HS3ST4: variants seen among roughly 807,000 people sequenced by gnomAD.
The protein encoded by HS3ST4 is heparan sulfate glucosamine 3-O-sulfotransferase 4.
In HS3ST4, 17 loss-of-function variants were observed where a neutral mutation model predicts 29.2. The ratio of observed to expected loss-of-function variants is 0.58; its 90% CI spans 0.40 to 0.87. The LOEUF is 0.87. Among genes scored for constraint, HS3ST4 ranks in the 40% least tolerant of loss-of-function variants. The pLI is 0.00. For missense variants in HS3ST4, 627 were observed against 634.5 expected (o/e 0.99, Z 0.13); for synonymous variants, 314 against 285.7 (o/e 1.10, Z -1.00).
At chr16:26,116,069 G>A (rs1414756662) in intron 1 of HS3ST4, among the ~76,000 whole-genome samples, 1 of 152,146 alleles carries the variant, frequency 6.6e-6, no homozygotes, top group Non-Finnish European at 1.5e-5. Flanking sequence ...CAAGGTGTTG[G>A]CCAGGGCCAA....
intron 1 of HS3ST4, among the ~76,000 whole-genome samples, chr16:26,019,306 C>T (rs1008202920): frequency 1.1e-4 from 17 of 152,182 alleles, no homozygotes; most frequent in African/African-American, 4.1e-4. Flanking sequence ...ACGTCCCAAT[C>T]ATTCTGGTCT....
chr16:25,925,347 A>G, intron 1 of HS3ST4, among the ~76,000 whole-genome samples: 1 of 152,020 alleles, frequency 6.6e-6, no homozygotes, highest in Non-Finnish European at 1.5e-5. Context: ...TTGAAGGGAA[A>G]CAGTGGCTTG....
chr16:25,717,510 GGTGTGTGTGTGTGTGTGTGTGTGTGT>G (rs763190199), intron 1 of HS3ST4, among the ~76,000 whole-genome samples: 2 of 132,830 alleles, frequency 1.5e-5, no homozygotes, highest in Non-Finnish European at 3.2e-5. Context: ...AAGGTGAAGG[GGTGTGTGTGTGTGTGTGTGTGTGTGT>G]GTGTGTGTGT....
intron 1 of HS3ST4, among the ~76,000 whole-genome samples, chr16:25,752,110 C>T (rs1408919319): frequency 2.0e-5 from 3 of 152,004 alleles, no homozygotes; most frequent in Admixed American, 6.6e-5. Context: ...AGGAAGGTAC[C>T]TCTCCATTCA....
intron 1 of HS3ST4, among the ~76,000 whole-genome samples, chr16:25,896,772 A>G (rs1035976448): frequency 6.6e-6 from 1 of 152,232 alleles, no homozygotes; most frequent in African/African-American, 2.4e-5. Flanking sequence ...AGTGGATTGG[A>G]TAAAGAAAAT....
chr16:26,020,098 C>T (rs1969398782), intron 1 of HS3ST4, among the ~76,000 whole-genome samples: 1 of 152,188 alleles, frequency 6.6e-6, no homozygotes, highest in South Asian at 2.1e-4. Context: ...TCTTGCCTTC[C>T]AAAGGATTTG....
chr16:25,917,114 G>A (rs1273575491), intron 1 of HS3ST4, among the ~76,000 whole-genome samples: 2 of 152,098 alleles, frequency 1.3e-5, no homozygotes, highest in Admixed American at 6.5e-5. Flanking sequence ...TCTATGTAGG[G>A]GTCAAATCTG....
At chr16:25,770,004 T>TA (rs958804346) in intron 1 of HS3ST4, among the ~76,000 whole-genome samples, 1 of 152,222 alleles carries the variant, frequency 6.6e-6, no homozygotes, top group Non-Finnish European at 1.5e-5. Context: ...GGATTTTTTT[T>TA]ACCCCACTTC....
At chr16:25,740,029 A>AT (rs776759839) in intron 1 of HS3ST4, among the ~76,000 whole-genome samples, 3 of 150,708 alleles carry the variant, frequency 2.0e-5, no homozygotes, top group South Asian at 2.1e-4. Flanking sequence ...TTCTTTCCTT[A>AT]TTTTTTTAGC....
chr16:26,102,086 A>G (rs1215973458), intron 1 of HS3ST4, among the ~76,000 whole-genome samples: 1 of 152,192 alleles, frequency 6.6e-6, no homozygotes, highest in Non-Finnish European at 1.5e-5. Flanking sequence ...ATTGTATTAT[A>G]CAAGAACATA....
At chr16:25,983,900 GTGTT>G (rs5816342) in intron 1 of HS3ST4, among the ~76,000 whole-genome samples, 140,776 of 151,210 alleles carry the variant, frequency 0.93, 65,655 homozygotes, top group African/African-American at 0.97. Flanking sequence ...TCTTGTGTCT[GTGTT>G]TGTGTGTGTG....
intron 1 of HS3ST4, among the ~76,000 whole-genome samples, chr16:26,096,777 A>G (rs1898931635): frequency 6.6e-6 from 1 of 152,268 alleles, no homozygotes; most frequent in Middle Eastern, 3.4e-3. Flanking sequence ...AATAAAGGAA[A>G]AGAGGAAGTC....
intron 1 of HS3ST4, among the ~76,000 whole-genome samples, chr16:25,721,603 C>T (rs373527655): frequency 1.1e-4 from 17 of 152,148 alleles, no homozygotes; most frequent in African/African-American, 2.7e-4. Flanking sequence ...AATGAAAGCC[C>T]GTCAGCGTAT....
chr16:25,741,365 T>TA (rs66788248), intron 1 of HS3ST4, among the ~76,000 whole-genome samples: 12,511 of 66,058 alleles, frequency 0.19, 1,860 homozygotes, highest in East Asian at 0.51. Context: ...GAATTCAAGG[T>TA]AAAAAAAAAA....
intron 1 of HS3ST4, among the ~76,000 whole-genome samples, chr16:25,914,141 A>G (rs1968268494): frequency 7.5e-6 from 1 of 134,188 alleles, no homozygotes; most frequent in African/African-American, 2.9e-5. Context: ...TGGTGTTTGT[A>G]TGTGTTGTGA....
intron 1 of HS3ST4, among the ~76,000 whole-genome samples, chr16:26,094,136 G>C (rs575692099): frequency 1.1e-3 from 171 of 152,340 alleles, no homozygotes; most frequent in African/African-American, 4.1e-3. Flanking sequence ...ATCTACGTTT[G>C]ATTGGTGTAC....
chr16:26,126,718 G>T (rs1899348989), intron 1 of HS3ST4, among the ~76,000 whole-genome samples: 1 of 152,200 alleles, frequency 6.6e-6, no homozygotes, highest in Non-Finnish European at 1.5e-5. Flanking sequence ...GTCATGACTG[G>T]TGGGTGCCAT....
chr16:26,044,482 C>A (rs2141760898), intron 1 of HS3ST4, among the ~76,000 whole-genome samples: 1 of 152,278 alleles, frequency 6.6e-6, no homozygotes, highest in African/African-American at 2.4e-5. Context: ...CATCTGAGTG[C>A]CAGGGTTATG....
rs115827275 is a variant in HS3ST4, at chr16:26,130,464, G to A, written c.735-5148G>A. The stretch of plus-strand genomic sequence containing the variant: ...CATCCAGTAACCACAAATAGTAATG[G>A]GGCAGCTAGTACATGTCAGACACTG... On this transcript the variant is annotated intron_variant, in intron 1 of 1. Coordinates refer to ENST00000331351, the MANE Select transcript of HS3ST4 (RefSeq NM_006040.3). 8.9e-3 allele frequency among the ~76,000 whole-genome samples: 1,362 copies of A among 152,184 alleles called. 18 individuals carry two copies. The highest frequency in any genetic ancestry group is 0.031 in the African/African-American group (1,287 of 41,508).
Sources: gnomAD v4.1 joint callset for allele counts (sites outside exome capture counted in the v4.1 genomes callset) on GRCh38, gnomAD v4.1.1 for gene constraint, MANE v1.5 for transcripts, NCBI Gene and HGNC (gene_info 2026-07-23, HGNC 2026-07-21) for gene names.